HS3ST5: variants seen among roughly 807,000 people sequenced by gnomAD.
HS3ST5 encodes heparan sulfate-glucosamine 3-sulfotransferase 5, also known as heparan sulfate glucosamine 3-O-sulfotransferase 5.
HS3ST5 carries 10 observed loss-of-function variants against 25.4 expected under a neutral mutation model. That is an observed-to-expected ratio of 0.39 (90% CI 0.24 to 0.67). The LOEUF is 0.67. HS3ST5 is among the 30% of genes least tolerant of loss of function. HS3ST5 has a pLI of 0.44. For synonymous variants in HS3ST5, 170 were observed against 162.4 expected (o/e 1.05, Z -0.36); for missense variants, 324 against 420.7 (o/e 0.77, Z 2.01).
chr6:114,301,864 A>T (rs1775088452), intron 1 of HS3ST5, among the ~76,000 whole-genome samples: 1 of 152,156 alleles, frequency 6.6e-6, no homozygotes, highest in African/African-American at 2.4e-5. Context: ...TGTCTGCCAA[A>T]TTTAGAGGAA....
intron 1 of HS3ST5, among the ~76,000 whole-genome samples, chr6:114,257,908 T>C (rs1773004070): frequency 6.6e-6 from 1 of 151,976 alleles, no homozygotes; most frequent in Admixed American, 6.6e-5. Flanking sequence ...GGCTTACTTA[T>C]TGATTGATAG....
At chr6:114,087,470 A>T (rs1470456280) in intron 3 of HS3ST5, among the ~76,000 whole-genome samples, 3 of 152,162 alleles carry the variant, frequency 2.0e-5, no homozygotes, top group Admixed American at 2.0e-4. Flanking sequence ...TTGCCATGAC[A>T]TTAAGTTACT....
chr6:114,133,315 G>T (rs1333599946), intron 3 of HS3ST5, among the ~76,000 whole-genome samples: 1 of 152,218 alleles, frequency 6.6e-6, no homozygotes, highest in South Asian at 2.1e-4. Flanking sequence ...GAACCTGAGA[G>T]TTTCTCTAGC....
intron 2 of HS3ST5, among the ~76,000 whole-genome samples, chr6:114,172,434 A>G (rs1350197452): frequency 1.3e-5 from 2 of 152,230 alleles, no homozygotes; most frequent in African/African-American, 4.8e-5. Flanking sequence ...CATTTCAACT[A>G]TCAAACATTA....
At chr6:114,260,911 G>A (rs1233408596) in intron 1 of HS3ST5, among the ~76,000 whole-genome samples, 1 of 140,146 alleles carries the variant, frequency 7.1e-6, no homozygotes, top group African/African-American at 2.8e-5. Flanking sequence ...TTAAAAATAG[G>A]CATGATGGCA....
intron 3 of HS3ST5, among the ~76,000 whole-genome samples, chr6:114,165,826 T>C (rs1779182567): frequency 6.6e-6 from 1 of 152,132 alleles, no homozygotes; most frequent in South Asian, 2.1e-4. Context: ...TGTTGGTAAA[T>C]GGGGACAACA....
At position 114,188,013 on chromosome 6, in the gene HS3ST5, T is replaced by A. The variant is rs149977616; in HGVS notation, c.-144-19551A>T. Among the ~76,000 whole-genome samples, 920 of 152,312 alleles carry A rather than the reference T, an allele frequency of 6.0e-3. 8 individuals are homozygous for A. The highest frequency in any genetic ancestry group is 0.017 in the African/African-American group (698 of 41,564). On this transcript the variant is annotated intron_variant, in intron 2 of 4. Coordinates refer to ENST00000312719, the MANE Select transcript of HS3ST5 (RefSeq NM_153612.4). The stretch of plus-strand genomic sequence containing the variant: ...AGACATACTGCTATTACACATTCAA[T>A]AGACCATGGCATTGTGTAAACTTAA...
chr6:114,061,956 AT>A (rs945284311), intron 4 of HS3ST5, among the ~76,000 whole-genome samples: 32 of 151,780 alleles, frequency 2.1e-4, no homozygotes, highest in African/African-American at 7.0e-4. Flanking sequence ...CAAAAAAAAA[AT>A]TTTTTTTTAA....
chr6:114,304,036 T>C (rs1020918046), intron 1 of HS3ST5, among the ~76,000 whole-genome samples: 3 of 152,102 alleles, frequency 2.0e-5, no homozygotes, highest in Non-Finnish European at 4.4e-5. Context: ...ATTGCTTCCA[T>C]ATGCACAGTC....
chr6:114,329,390 A>G (rs1776299852), intron 1 of HS3ST5, among the ~76,000 whole-genome samples: 1 of 152,228 alleles, frequency 6.6e-6, no homozygotes, highest in South Asian at 2.1e-4. Context: ...AATAGCCTAC[A>G]TCTGCATGAC....
At chr6:114,228,821 A>T (rs1771432609) in intron 1 of HS3ST5, 43 bp from the exon 2 acceptor site, 1 of 152,198 alleles carries the variant, frequency 6.6e-6, no homozygotes, top group Non-Finnish European at 1.5e-5. Flanking sequence ...CCTGTAATTC[A>T]TAGAGAATCT....
At chr6:114,185,375 C>T (rs1780171658) in intron 2 of HS3ST5, among the ~76,000 whole-genome samples, 1 of 152,194 alleles carries the variant, frequency 6.6e-6, no homozygotes, top group Admixed American at 6.5e-5. Flanking sequence ...TGTGAAGACA[C>T]AGCAAGAAGT....
intron 3 of HS3ST5, among the ~76,000 whole-genome samples, chr6:114,150,614 G>T (rs972656225): frequency 6.6e-6 from 1 of 152,144 alleles, no homozygotes; most frequent in Admixed American, 6.6e-5. Flanking sequence ...AGAATATGGG[G>T]TTTCACAAGC....
intron 1 of HS3ST5, among the ~76,000 whole-genome samples, chr6:114,308,881 T>C (rs2114836622): frequency 6.6e-6 from 1 of 152,288 alleles, no homozygotes; most frequent in African/African-American, 2.4e-5. Context: ...GAGACACAGT[T>C]GTCCTTGATG....
chr6:114,101,787 A>G (rs1775746736), intron 3 of HS3ST5, among the ~76,000 whole-genome samples: 1 of 152,238 alleles, frequency 6.6e-6, no homozygotes, highest in South Asian at 2.1e-4. Flanking sequence ...TAGTAAAGGC[A>G]TGGAATCAAC....
At chr6:114,110,760 G>T (rs1056646834) in intron 3 of HS3ST5, among the ~76,000 whole-genome samples, 2 of 152,134 alleles carry the variant, frequency 1.3e-5, no homozygotes, top group Non-Finnish European at 2.9e-5. Flanking sequence ...AAGTGTCATG[G>T]AATTAATCAC....
intron 3 of HS3ST5, among the ~76,000 whole-genome samples, chr6:114,063,174 T>TTG (rs942352703): frequency 6.6e-5 from 10 of 151,394 alleles, no homozygotes; most frequent in African/African-American, 1.9e-4. Context: ...TATAGTGTGT[T>TTG]TGTGTGTGTG....
chr6:114,165,174 C>A (rs1470187997), intron 3 of HS3ST5, among the ~76,000 whole-genome samples: 2 of 152,186 alleles, frequency 1.3e-5, no homozygotes, highest in East Asian at 3.8e-4. Context: ...GCTCCATATG[C>A]AACAGTTCTG....
chr6:114,317,802 C>CG (rs35127490), intron 1 of HS3ST5, among the ~76,000 whole-genome samples: 34,413 of 68,268 alleles, frequency 0.5, 6,172 homozygotes, highest in South Asian at 0.58. Context: ...AGGCGGGGGG[C>CG]GGGGGGGTAG....
Sources: gnomAD v4.1 joint callset for allele counts (sites outside exome capture counted in the v4.1 genomes callset) on GRCh38, gnomAD v4.1.1 for gene constraint, MANE v1.5 for transcripts, NCBI Gene and HGNC (gene_info 2026-07-23, HGNC 2026-07-21) for gene names.